Variants in HDAC9 observed in about 807,000 individuals in gnomAD.
HDAC9 encodes the protein MEF-2 interacting transcription repressor (MITR) protein.
In HDAC9, 41 loss-of-function variants were observed where a neutral mutation model predicts 139.4. The observed-to-expected ratio is 0.29, with a 90% CI of 0.23 to 0.38. The LOEUF is 0.38. Ranked by LOEUF, HDAC9 falls within the 10% of genes least tolerant of loss-of-function variation. HDAC9 has a pLI of 1.00. For synonymous variants in HDAC9, 517 were observed against 476.2 expected, an observed-to-expected ratio of 1.09 and a Z score of -1.12; for missense variants, 1,147 against 1,297.0, an observed-to-expected ratio of 0.88 and a Z score of 1.78.
At chr7:18,273,014 C>T (rs302174) in intron 2 of HDAC9, among the ~76,000 whole-genome samples, 103,987 of 139,738 alleles carry the variant, frequency 0.74, 38,667 homozygotes, top group South Asian at 0.86. Flanking sequence ...CTTCTTCTTC[C>T]TCCTCCTCCT....
Position 18,987,396 on chromosome 7 carries a change from C to T in HDAC9, c.3171-8627C>T, listed in dbSNP as rs1785453409. ...ATTGATTTGCATATATTGAACCAGCCTTGCATCCCAGGAATGAAGCCCACT... is the reference window on the plus strand; with the variant it reads ...ATTGATTTGCATATATTGAACCAGCTTTGCATCCCAGGAATGAAGCCCACT... On this transcript the variant is annotated intron_variant, in intron 25 of 25. Coordinates refer to ENST00000686413, the MANE Select transcript of HDAC9 (RefSeq NM_178425.4). 2.6e-5 allele frequency among the ~76,000 whole-genome samples: 4 copies of T among 152,280 alleles called. No individual in the cohort carries two copies. In the South Asian group the frequency reaches 8.3e-4, roughly 32 times the overall value.
intron 21 of HDAC9, among the ~76,000 whole-genome samples, chr7:18,858,547 C>G (rs1479896794): frequency 1.3e-5 from 2 of 152,140 alleles, no homozygotes; most frequent in Non-Finnish European, 2.9e-5. Flanking sequence ...AACTACAATT[C>G]AATATGAGAT....
intron 22 of HDAC9, among the ~76,000 whole-genome samples, chr7:18,933,307 T>G (rs987782117): frequency 6.6e-6 from 1 of 152,022 alleles, no homozygotes; most frequent in Non-Finnish European, 1.5e-5. Flanking sequence ...CTCTGGGTCC[T>G]TTTTGTTAAG....
intron 2 of HDAC9, among the ~76,000 whole-genome samples, chr7:18,276,521 C>T (rs1051979788): frequency 6.6e-6 from 1 of 152,150 alleles, no homozygotes; most frequent in South Asian, 2.1e-4. Flanking sequence ...CAGGAGTGTT[C>T]TGAGCTGTGA....
intron 7 of HDAC9, among the ~76,000 whole-genome samples, chr7:18,631,779 C>A (rs1341191998): frequency 6.6e-6 from 1 of 151,954 alleles, no homozygotes; most frequent in Non-Finnish European, 1.5e-5. Context: ...CCTACTCCAA[C>A]ATCCTTATTT....
At chr7:18,192,166 A>G (rs936693305) in intron 2 of HDAC9, among the ~76,000 whole-genome samples, 2 of 152,230 alleles carry the variant, frequency 1.3e-5, no homozygotes, top group Admixed American at 1.3e-4. Context: ...AGGAAAATCT[A>G]CAAGTGACGG....
At chr7:18,364,521 C>T (rs971339647) in intron 1 of HDAC9, among the ~76,000 whole-genome samples, 6 of 151,956 alleles carry the variant, frequency 3.9e-5, no homozygotes, top group South Asian at 2.1e-4. Context: ...GACAGTCATT[C>T]GAAAATAGAG....
At chr7:18,817,315 T>G (rs1028603533) in intron 17 of HDAC9, among the ~76,000 whole-genome samples, 3 of 152,132 alleles carry the variant, frequency 2.0e-5, no homozygotes, top group Non-Finnish European at 4.4e-5. Flanking sequence ...TTTACAGGCG[T>G]GAGCCACCGC....
chr7:18,339,675 T>G (rs552011485), intron 1 of HDAC9, among the ~76,000 whole-genome samples: 9 of 151,584 alleles, frequency 5.9e-5, no homozygotes, highest in African/African-American at 1.9e-4. Context: ...TGTATTTATT[T>G]TCCACATATT....
chr7:18,270,192 T>C (rs1796267298), intron 2 of HDAC9, among the ~76,000 whole-genome samples: 1 of 151,890 alleles, frequency 6.6e-6, no homozygotes, highest in South Asian at 2.1e-4. Flanking sequence ...GACAGTGAAC[T>C]CCTAGCAAGT....
intron 1 of HDAC9, among the ~76,000 whole-genome samples, chr7:18,316,278 T>C (rs1799630784): frequency 6.6e-6 from 1 of 152,178 alleles, no homozygotes; most frequent in Non-Finnish European, 1.5e-5. Context: ...GAAATGTTCC[T>C]ATTAATAGGA....
chr7:18,803,244 A>T (rs79524340), intron 17 of HDAC9, among the ~76,000 whole-genome samples: 1,981 of 152,056 alleles, frequency 0.013, 46 homozygotes, highest in African/African-American at 0.045. Context: ...CAAGAACTTT[A>T]TGTTTTCTTT....
chr7:18,256,944 C>G (rs1795285154), intron 2 of HDAC9, among the ~76,000 whole-genome samples: 2 of 151,740 alleles, frequency 1.3e-5, no homozygotes, highest in South Asian at 4.2e-4. Context: ...AAAAAAATAA[C>G]CAGGCATGGT....
intron 25 of HDAC9, among the ~76,000 whole-genome samples, chr7:18,982,039 T>G (rs1197041862): frequency 6.6e-6 from 1 of 152,096 alleles, no homozygotes; most frequent in Non-Finnish European, 1.5e-5. Flanking sequence ...GAAGAATGTG[T>G]AGATTTCACA....
intron 2 of HDAC9, among the ~76,000 whole-genome samples, chr7:18,267,296 C>T (rs978193205): frequency 3.9e-5 from 6 of 151,930 alleles, no homozygotes; most frequent in African/African-American, 9.6e-5. Flanking sequence ...TTTTTTGTGG[C>T]GAGAACACTT....
intron 1 of HDAC9, among the ~76,000 whole-genome samples, chr7:18,123,734 A>G (rs1784493124): frequency 6.6e-6 from 1 of 152,168 alleles, no homozygotes; most frequent in Admixed American, 6.5e-5. Flanking sequence ...CCAAGGGTGA[A>G]TTCATGATTC....
intron 8 of HDAC9, among the ~76,000 whole-genome samples, chr7:18,640,786 T>C (rs184752633): frequency 6.6e-6 from 1 of 152,128 alleles, no homozygotes; most frequent in East Asian, 1.9e-4. Context: ...AGTCCAATGG[T>C]GTGCTTTCAA....
rs149834540 is a variant in HDAC9, at chr7:18,826,008, C to T, written c.2323-3153C>T. On this transcript the variant is annotated intron_variant, in intron 17 of 25. Coordinates refer to ENST00000686413, the MANE Select transcript of HDAC9 (RefSeq NM_178425.4). ...ATTATACAAATGTAACATGTTAGTG[C>T]GAAAAGTTTTATAAGGGATGGTAGA... Among the ~76,000 whole-genome samples the T allele has an allele frequency of 5.3e-5, 8 of 151,568 alleles. No individual in the cohort carries two copies. The East Asian group carries it at 5.8e-4, about 11-fold the overall frequency.
At chr7:18,712,885 G>T (rs1471980529) in intron 12 of HDAC9, among the ~76,000 whole-genome samples, 1 of 152,240 alleles carries the variant, frequency 6.6e-6, no homozygotes, top group Non-Finnish European at 1.5e-5. Context: ...ATTCATGTAA[G>T]CCAGGAACTA....
Sources: gnomAD v4.1 joint callset for allele counts (sites outside exome capture counted in the v4.1 genomes callset) on GRCh38, gnomAD v4.1.1 for gene constraint, MANE v1.5 for transcripts, NCBI Gene and HGNC (gene_info 2026-07-23, HGNC 2026-07-21) for gene names.